SETD5: variants seen among roughly 807,000 people sequenced by gnomAD.
SETD5 encodes SET domain containing 5.
A neutral mutation model predicts 153.3 loss-of-function variants in SETD5; 44 were observed. The ratio of observed to expected loss-of-function variants is 0.29; its 90% CI spans 0.23 to 0.37. SETD5 has a LOEUF of 0.37. Ranked by LOEUF, SETD5 falls within the 10% of genes least tolerant of loss-of-function variation. The probability of loss-of-function intolerance (pLI) is 1.00; values close to 1 mark genes in which losing one functional copy is unlikely to be tolerated. For synonymous variants in SETD5, 716 were observed against 645.2 expected, an observed-to-expected ratio of 1.11 and a Z score of -1.66; for missense variants, 1,544 against 1,768.0, an observed-to-expected ratio of 0.87 and a Z score of 2.27.
At position 9,416,707 on chromosome 3, in the gene SETD5, C is replaced by T. The variant is rs113617899; in HGVS notation, c.-176-7760C>T. 5.8e-3 allele frequency among the ~76,000 whole-genome samples: 880 copies of T among 152,222 alleles called. 5 individuals carry two copies. The highest frequency in any genetic ancestry group is 9.9e-3 in the Non-Finnish European group (673 of 68,004). ...ATGACCTATCATTATGATAAACATG[C>T]CCCTCTTATGTATCCTTATACCCAT... On this transcript the variant is annotated intron_variant, in intron 1 of 22. Transcript: ENST00000402198.
chr3:9,411,600 TAGGAATAATACTTTTCTCCTAAACA>T (rs1342498554), intron 1 of SETD5, among the ~76,000 whole-genome samples: 2 of 152,232 alleles, frequency 1.3e-5, no homozygotes, highest in Admixed American at 6.5e-5. Context: ...TTTGGTCTAA[TAGGAATAATACTTTTCTCCTAAACA>T]TTATGAGCAT....
chr3:9,473,559 T>C, intron 20 of SETD5, 22 bp downstream of exon 20: 1 of 1,580,224 alleles, frequency 6.3e-7, no homozygotes, highest in Non-Finnish European at 8.6e-7. Context: ...TTTGATGTTT[T>C]ATAGTTAAAT....
rs781152314 is a variant in SETD5 at position 9,434,372 on chromosome 3, G to A, written c.216G>A (p.Ser72=). The change falls in exon 5 of 23, where the codon TCG becomes TCA. Residue 72 remains serine, a synonymous_variant. Transcript: ENST00000402198. The surrounding 1 kb of genome is among the most constrained non-coding windows in gnomAD (Gnocchi z 5.6). ...IPRSDLNGLP[S]PVEERCGDSP... is the part of the protein sequence containing the mutation. ...GTTCTGACCTGAATGGCCTGCCGTC[G>A]CCTGTAGAGGAACGCTGTGGAGACA... The A allele has an allele frequency of 2.2e-5, 35 of 1,613,714 alleles. No individual in the cohort carries two copies. Among genetic ancestry groups the A allele is most frequent in the Middle Eastern group, 1.6e-4 (1 of 6,084 alleles).
At chr3:9,452,114 A>G (rs2042687437) in intron 16 of SETD5, among the ~76,000 whole-genome samples, 1 of 152,190 alleles carries the variant, frequency 6.6e-6, no homozygotes, top group Non-Finnish European at 1.5e-5. Flanking sequence ...TAACCATGGT[A>G]GCATCTTTCT....
chr3:9,473,047 A>G (rs1164916429), intron 19 of SETD5, among the ~76,000 whole-genome samples, 189 bp from the exon 20 acceptor site: 1 of 152,180 alleles, frequency 6.6e-6, no homozygotes, highest in Non-Finnish European at 1.5e-5. Flanking sequence ...TGCCTTAAAT[A>G]TGTAGCTGTG....
intron 10 of SETD5, chr3:9,442,750 G>T (rs558437396): frequency 6.5e-5 from 11 of 170,194 alleles, no homozygotes; most frequent in South Asian, 5.3e-4. Flanking sequence ...TATAAGATGT[G>T]AAAGCGGCTG....
intron 22 of SETD5, 140 bp from the exon 23 acceptor site, chr3:9,475,343 A>G: frequency 7.9e-7 from 1 of 1,265,094 alleles, no homozygotes. Flanking sequence ...TCAAAGACAG[A>G]CATTTTACTG....
Position 9,440,547 on chromosome 3 carries a change from C to G in SETD5, c.659C>G (p.Ala220Gly), listed in dbSNP as rs1345453862. The G allele has an allele frequency of 1.2e-6, 2 of 1,613,954 alleles. No individual in the cohort carries two copies. The highest frequency in any genetic ancestry group is 8.5e-7 in the Non-Finnish European group (1 of 1,179,836). Residue 220 changes from alanine (A) to glycine (G), a missense_variant, in exon 8 of 23, where the codon GCT (alanine) becomes GGT (glycine). Coordinates refer to ENST00000402198, the MANE Select transcript of SETD5 (RefSeq NM_001080517.3). The part of the protein sequence containing the change: ...IRLWTDQYEE[A>G]FTNQYSADVQ... ...CTATGGACTGACCAGTATGAAGAAG[C>G]TTTCACTAATCAGTACAGTGCAGAT...
At chr3:9,449,252 T>TA (rs2042359431) in intron 16 of SETD5, among the ~76,000 whole-genome samples, 1 of 152,162 alleles carries the variant, frequency 6.6e-6, no homozygotes, top group Non-Finnish European at 1.5e-5. Context: ...TCCAGTTACT[T>TA]ACTGTTTTTG....
intron 19 of SETD5, among the ~76,000 whole-genome samples, chr3:9,471,779 T>A (rs982487465): frequency 6.6e-6 from 1 of 152,242 alleles, no homozygotes; most frequent in African/African-American, 2.4e-5. Flanking sequence ...GACTTGCATT[T>A]ATTGAGCAGG....
chr3:9,400,679 G>A (rs1179010957), intron 1 of SETD5, among the ~76,000 whole-genome samples: 1 of 152,158 alleles, frequency 6.6e-6, no homozygotes, highest in Non-Finnish European at 1.5e-5. Context: ...TTATATACAT[G>A]TTGGATATAG....
rs2045913679 is a variant in SETD5 at position 9,477,484 on chromosome 3, G to A, written c.*1393G>A. 6.6e-6 allele frequency: 1 copy of A among 152,338 alleles called. No individual in the cohort carries two copies. The highest frequency in any genetic ancestry group is 2.4e-5 in the African/African-American group (1 of 41,336). 9.4% of individuals were successfully genotyped at this position (152,338 alleles called of 1,614,324 possible). A position where few individuals can be genotyped will look rare whatever the true frequency, so the allele number is the denominator to read the frequency against. On this transcript the variant is annotated 3_prime_UTR_variant, in exon 23 of 23. Transcript: ENST00000402198. The stretch of plus-strand genomic sequence containing the variant: ...GCTGCAGTGGACCTTCTTTTCTTTT[G>A]GACAAGATAATACTGTGAGTTTCCC...
intron 3 of SETD5, chr3:9,429,306 G>A (rs1469038341): frequency 9.1e-6 from 2 of 219,286 alleles, no homozygotes; most frequent in African/African-American, 4.6e-5. Context: ...TAAAGTAGGT[G>A]TTACTACCTG....
chr3:9,406,961 G>T (rs2035798810), intron 1 of SETD5, among the ~76,000 whole-genome samples: 2 of 152,184 alleles, frequency 1.3e-5, no homozygotes, highest in South Asian at 4.1e-4. Flanking sequence ...TTATGTAAGT[G>T]TACTAAAGCC....
rs1190606069 is a variant in SETD5 at position 9,470,941 on chromosome 3, A to G, written c.3195+12A>G. ...CACAGAGGAAAAAAGTAAGTGTTTCATGTTATATCGGCGAACTTTTCAAGA... is the reference window on the plus strand; with the variant it reads ...CACAGAGGAAAAAAGTAAGTGTTTCGTGTTATATCGGCGAACTTTTCAAGA... On this transcript the variant is annotated intron_variant, in intron 19 of 22. Coordinates refer to ENST00000402198, the MANE Select transcript of SETD5 (RefSeq NM_001080517.3). The G allele has an allele frequency of 2.1e-6, 3 of 1,444,030 alleles. No homozygotes were observed. Among genetic ancestry groups the G allele is most frequent in the South Asian group, 1.3e-5 (1 of 78,480 alleles). 89.5% of individuals were successfully genotyped at this position (1,444,030 alleles called of 1,614,324 possible).
chr3:9,468,407 C>T (rs974270441), intron 18 of SETD5: 5 of 782,258 alleles, frequency 6.4e-6, no homozygotes, highest in South Asian at 4.9e-5. Flanking sequence ...TCAACTTCCC[C>T]GCCCCCGAAA....
At chr3:9,440,794 A>T in intron 8 of SETD5, 96 bp downstream of exon 8, 1 of 1,429,462 alleles carries the variant, frequency 7.0e-7, no homozygotes, top group Non-Finnish European at 9.3e-7. Context: ...TTCCAAATGT[A>T]CAAGGCCATG....
At chr3:9,408,859 T>G (rs934023844) in intron 1 of SETD5, among the ~76,000 whole-genome samples, 1 of 152,080 alleles carries the variant, frequency 6.6e-6, no homozygotes, top group African/African-American at 2.4e-5. Flanking sequence ...CTGAGAAAAA[T>G]TTTAAGTTAT....
intron 16 of SETD5, among the ~76,000 whole-genome samples, chr3:9,452,638 A>G (rs2042751284): frequency 6.9e-6 from 1 of 144,638 alleles, no homozygotes; most frequent in African/African-American, 2.6e-5. Context: ...GCCAGCCACA[A>G]TGACATTTGT....
Sources: gnomAD v4.1 joint callset for allele counts (sites outside exome capture counted in the v4.1 genomes callset) on GRCh38, gnomAD v4.1.1 for gene constraint, Gnocchi (gnomAD v3.1) non-coding constraint, MANE v1.5 for transcripts, NCBI Gene and HGNC (gene_info 2026-07-23, HGNC 2026-07-21) for gene names.